Variants in COL21A1 observed in about 807,000 individuals in gnomAD.
COL21A1 encodes the protein collagen alpha-1(XXI) chain.
In COL21A1, 149 loss-of-function variants were observed where a neutral mutation model predicts 137.9. That is an observed-to-expected ratio of 1.08 (90% CI 0.95 to 1.24). The LOEUF (loss-of-function observed/expected upper bound fraction) is 1.24, where lower values mean the gene tolerates loss of function less well. COL21A1 is among the 50% of genes most tolerant of loss of function. The pLI is 0.00. For synonymous variants in COL21A1, 456 were observed against 391.5 expected (o/e 1.16, Z -1.95); for missense variants, 1,167 against 1,158.4 (o/e 1.01, Z -0.11).
chr6:56,107,646 A>AG (rs1322548643), intron 16 of COL21A1, among the ~76,000 whole-genome samples: 1 of 151,848 alleles, frequency 6.6e-6, no homozygotes, highest in Non-Finnish European at 1.5e-5. Context: ...TTCAGAAAAA[A>AG]AACAGTGAAA....
At chr6:56,221,778 G>T (rs1403724948) in intron 1 of COL21A1, among the ~76,000 whole-genome samples, 1 of 152,046 alleles carries the variant, frequency 6.6e-6, no homozygotes, top group African/African-American at 2.4e-5. Flanking sequence ...TCTGTATCAG[G>T]TTTGACATAG....
chr6:56,097,538 G>A (rs1296323874), intron 17 of COL21A1, among the ~76,000 whole-genome samples: 1 of 151,346 alleles, frequency 6.6e-6, no homozygotes, highest in Non-Finnish European at 1.5e-5. Context: ...AGAAAAAAAA[G>A]AAAAGAAGGA....
chr6:56,176,982 G>A (rs1158383172), intron 3 of COL21A1, among the ~76,000 whole-genome samples: 1 of 150,036 alleles, frequency 6.7e-6, no homozygotes, highest in Non-Finnish European at 1.5e-5. Context: ...GGAGCAGGGA[G>A]GAAGAGGGAG....
chr6:56,233,245 A>G (rs1371136560), intron 1 of COL21A1, among the ~76,000 whole-genome samples: 1 of 151,846 alleles, frequency 6.6e-6, no homozygotes, highest in East Asian at 1.9e-4. Context: ...ATTGGGGGCA[A>G]GCTCCAGATA....
intron 9 of COL21A1, among the ~76,000 whole-genome samples, chr6:56,160,401 A>T (rs1418787715): frequency 6.6e-6 from 1 of 152,186 alleles, no homozygotes; most frequent in Non-Finnish European, 1.5e-5. Flanking sequence ...TAGAGATGGG[A>T]TTCAAATCCA....
chr6:56,180,819 G>A (rs1422793547), intron 2 of COL21A1, among the ~76,000 whole-genome samples: 1 of 152,164 alleles, frequency 6.6e-6, no homozygotes, highest in East Asian at 1.9e-4. Context: ...AGTTAGAGAA[G>A]AAGACAAATA....
chr6:56,294,914 T>A (rs1170000549), intron 1 of COL21A1, among the ~76,000 whole-genome samples: 5 of 152,034 alleles, frequency 3.3e-5, no homozygotes, highest in Admixed American at 1.3e-4. Flanking sequence ...CTTAAAAGTG[T>A]CTTTCACAAA....
chr6:56,326,878 T>A (rs554788714), intron 1 of COL21A1, among the ~76,000 whole-genome samples: 62 of 152,136 alleles, frequency 4.1e-4, no homozygotes, highest in African/African-American at 1.5e-3. Context: ...CACTAGACAT[T>A]CACACCTGAA....
At position 56,124,271 on chromosome 6, in the gene COL21A1, TC is replaced by T; in HGVS notation, c.1671del (p.Asn558MetfsTer22). The T allele has an allele frequency of 6.9e-6, 11 of 1,604,668 alleles. No individual in the cohort carries two copies. Among genetic ancestry groups the T allele is most frequent in the Admixed American group, 1.7e-5 (1 of 58,872 alleles). On this transcript the variant is annotated frameshift_variant, in exon 15 of 30. Coordinates refer to ENST00000244728, the MANE Select transcript of COL21A1 (RefSeq NM_030820.4). LOFTEE classifies it high-confidence loss of function. ...YGKKGAKGEK[G>X]NAGFPGLPGP... ...CCAGGGAGGCCAGGGAAGCCAGCAT[TC>T]CCCTTTTCACCTTTTGCACCCTGTA...
At chr6:56,060,621 C>T (rs1245155201) in intron 27 of COL21A1, 120 bp downstream of exon 27, 1 of 664,500 alleles carries the variant, frequency 1.5e-6, no homozygotes, top group Non-Finnish European at 2.4e-6. Context: ...GTAGATGAGG[C>T]TTATAAATGT....
intron 1 of COL21A1, among the ~76,000 whole-genome samples, chr6:56,288,844 T>C (rs1205158054): frequency 6.6e-6 from 1 of 152,242 alleles, no homozygotes; most frequent in Non-Finnish European, 1.5e-5. Flanking sequence ...GGATTATCAA[T>C]ACTCATAGCA....
In COL21A1 at chr6:56,299,993, A is replaced by G. The variant is rs1197285644; in HGVS notation, c.-39+93978T>C. ...AAGCTGTTTTCTAAAATATGAATTGAAGTAATAGGAAAATTAAACAAGGCT... is the reference window on the plus strand; with the variant it reads ...AAGCTGTTTTCTAAAATATGAATTGGAGTAATAGGAAAATTAAACAAGGCT... On this transcript the variant is annotated intron_variant, in intron 1 of 28. Transcript: ENST00000370819. 2.6e-5 allele frequency among the ~76,000 whole-genome samples: 4 copies of G among 152,132 alleles called. No homozygotes were observed. The East Asian group carries it at 7.7e-4, about 29-fold the overall frequency.
At chr6:56,276,282 G>A (rs1403720627) in intron 1 of COL21A1, among the ~76,000 whole-genome samples, 3 of 152,038 alleles carry the variant, frequency 2.0e-5, no homozygotes, top group Non-Finnish European at 1.5e-5. Context: ...TCAGTACTTG[G>A]GTGATAGGTT....
chr6:56,203,589 T>C (rs1224907141), intron 1 of COL21A1, among the ~76,000 whole-genome samples: 2 of 152,328 alleles, frequency 1.3e-5, no homozygotes, highest in East Asian at 3.9e-4. Flanking sequence ...CAAAATCTAC[T>C]GGGATTAGAT....
intron 1 of COL21A1, among the ~76,000 whole-genome samples, chr6:56,253,470 T>C (rs1782900938): frequency 6.6e-6 from 1 of 152,136 alleles, no homozygotes; most frequent in Non-Finnish European, 1.5e-5. Flanking sequence ...GCCTAGATCT[T>C]CCTAGGAGAG....
At chr6:56,085,120 C>T (rs1241366454) in intron 17 of COL21A1, among the ~76,000 whole-genome samples, 3 of 151,878 alleles carry the variant, frequency 2.0e-5, no homozygotes, top group Non-Finnish European at 2.9e-5. Context: ...AGTCATAGAA[C>T]TTTTCTAAAA....
rs1184429541 is a variant in COL21A1, at chr6:56,057,772, T to C, written c.2759A>G (p.Asp920Gly). ...GDPGLPGKDG[D>G]HGKPGIQGQP... ...CCCTTGGATTCCAGGTTTTCCATGGTCTCCATCTTTGCCAGGGAGACCTGG... is the reference window on the plus strand; with the variant it reads ...CCCTTGGATTCCAGGTTTTCCATGGCCTCCATCTTTGCCAGGGAGACCTGG... The change falls in exon 30 of 30, where the codon GAC (aspartate) becomes GGC (glycine). Residue 920 changes from aspartate to glycine, a missense_variant. Asp to Gly is a moderately conservative substitution (Grantham distance 94). Coordinates refer to ENST00000244728, the MANE Select transcript of COL21A1 (RefSeq NM_030820.4). 1.2e-6 allele frequency: 2 copies of C among 1,609,182 alleles called. No individual in the cohort carries two copies. The highest frequency in any genetic ancestry group is 3.4e-5 in the Admixed American group (2 of 59,296).
At chr6:56,360,269 C>T (rs1311321166) in intron 1 of COL21A1, among the ~76,000 whole-genome samples, 1 of 152,176 alleles carries the variant, frequency 6.6e-6, no homozygotes, top group Admixed American at 6.5e-5. Context: ...CGACTTCACA[C>T]TGATGTGATG....
At chr6:56,366,442 G>A (rs937955985) in intron 1 of COL21A1, among the ~76,000 whole-genome samples, 18 of 149,766 alleles carry the variant, frequency 1.2e-4, no homozygotes, top group Non-Finnish European at 2.4e-4. Flanking sequence ...AGAATCAGGA[G>A]TAAGAATGGG....
Sources: allele counts gnomAD v4.1 joint callset (sites outside exome capture counted in the v4.1 genomes callset), GRCh38; gene constraint gnomAD v4.1.1; transcripts MANE v1.5; gene names NCBI Gene and HGNC (gene_info 2026-07-23, HGNC 2026-07-21).